Variants in TENM4 observed in about 807,000 individuals in gnomAD.
The protein encoded by TENM4 is teneurin transmembrane protein 4.
Under a neutral mutation model 243.3 loss-of-function variants are expected in TENM4, and 82 were observed. The ratio of observed to expected loss-of-function variants is 0.34; its 90% CI spans 0.28 to 0.40. TENM4 has a LOEUF of 0.40. Ranked by LOEUF, TENM4 falls within the 10% of genes least tolerant of loss-of-function variation. The probability of loss-of-function intolerance (pLI) is 1.00; values close to 1 mark genes in which losing one functional copy is unlikely to be tolerated. For missense variants in TENM4, 3,138 were observed against 3,673.3 expected, an observed-to-expected ratio of 0.85 and a Z score of 3.77; for synonymous variants, 1,412 against 1,456.3, an observed-to-expected ratio of 0.97 and a Z score of 0.69.
rs570822074 is a variant in TENM4 at position 78,884,375 on chromosome 11, A to T, written c.1084+5410T>A. 4.6e-5 allele frequency among the ~76,000 whole-genome samples: 7 copies of T among 152,350 alleles called. No homozygotes were observed. The East Asian group carries it at 1.3e-3, about 29-fold the overall frequency. ...AAACCAAGGTTCAGAGAGGTTAAGC[A>T]AACTGCCCAAGTTTACACCGTCAGC... On this transcript the variant is annotated intron_variant, in intron 9 of 33. Transcript: ENST00000278550.
At chr11:79,152,592 T>A (rs1156985293) in intron 3 of TENM4, among the ~76,000 whole-genome samples, 1 of 152,242 alleles carries the variant, frequency 6.6e-6, no homozygotes, top group Non-Finnish European at 1.5e-5. Flanking sequence ...TATTTTTGGT[T>A]TAAAAGCTCG....
chr11:78,973,532 T>A (rs1288597291), intron 6 of TENM4, among the ~76,000 whole-genome samples: 2 of 152,188 alleles, frequency 1.3e-5, no homozygotes, highest in Admixed American at 6.5e-5. Flanking sequence ...TTTATCTTTT[T>A]ATTACTAAAG....
At chr11:79,005,086 C>T (rs1203909127) in intron 6 of TENM4, among the ~76,000 whole-genome samples, 1 of 151,962 alleles carries the variant, frequency 6.6e-6, no homozygotes, top group African/African-American at 2.4e-5. Flanking sequence ...CCTGAACGTA[C>T]CAATAATGAA....
At chr11:78,762,976 G>A (rs571937991) in intron 18 of TENM4, among the ~76,000 whole-genome samples, 1 of 152,170 alleles carries the variant, frequency 6.6e-6, no homozygotes, top group Non-Finnish European at 1.5e-5. Flanking sequence ...CTGGTTTTTG[G>A]GTGGCTTGGA....
intron 12 of TENM4, among the ~76,000 whole-genome samples, chr11:78,827,619 A>G (rs1857885722): frequency 6.6e-6 from 1 of 152,000 alleles, no homozygotes; most frequent in African/African-American, 2.4e-5. Context: ...CCTTCTGAGC[A>G]GCTGGGAATG....
rs747720678 is a variant in TENM4 at position 78,688,233 on chromosome 11, A to T, written c.5088-7T>A. 2.5e-6 allele frequency: 4 copies of T among 1,612,140 alleles called. No individual in the cohort carries two copies. Among genetic ancestry groups the T allele is most frequent in the Admixed American group, 3.3e-5 (2 of 59,886 alleles). On this transcript the variant is annotated splice_region_variant and splice_polypyrimidine_tract_variant and intron_variant, in intron 28 of 33. Transcript: ENST00000278550. ...GCGGCCAAAGCTGTCGTACCTGGAA[A>T]CCAAGGGGTGGCACTGAGTAGTAGA...
intron 7 of TENM4, among the ~76,000 whole-genome samples, chr11:78,894,302 C>T (rs1855738370): frequency 6.6e-6 from 1 of 152,072 alleles, no homozygotes; most frequent in African/African-American, 2.4e-5. Flanking sequence ...TGGCTTGAGT[C>T]AGAAGGCTCA....
intron 6 of TENM4, among the ~76,000 whole-genome samples, chr11:79,033,551 C>G (rs1859302307): frequency 6.6e-6 from 1 of 152,178 alleles, no homozygotes; most frequent in Non-Finnish European, 1.5e-5. Flanking sequence ...TACATGGTGC[C>G]AAAGCACAAG....
intron 1 of TENM4, among the ~76,000 whole-genome samples, chr11:79,425,821 C>A (rs1451161458): frequency 6.6e-6 from 1 of 152,162 alleles, no homozygotes; most frequent in Non-Finnish European, 1.5e-5. Flanking sequence ...AATTTAATTC[C>A]ATGATTATTG....
rs567819628 is a variant in TENM4, at chr11:79,437,792, C to T, written c.-321+2717G>A. 2.0e-5 allele frequency among the ~76,000 whole-genome samples: 3 copies of T among 152,312 alleles called. No individual in the cohort carries two copies. The South Asian group carries it at 6.2e-4, about 32-fold the overall frequency. On this transcript the variant is annotated intron_variant, in intron 1 of 33. Transcript: ENST00000278550. The stretch of plus-strand genomic sequence containing the variant: ...GCCGCGACCTGATTCCCGCCCTGCC[C>T]GGGGAGCTAACCCAGCCGCCTCCGG...
At chr11:79,397,636 A>C (rs151189545) in intron 1 of TENM4, among the ~76,000 whole-genome samples, 324 of 152,360 alleles carry the variant, frequency 2.1e-3, no homozygotes, top group African/African-American at 7.6e-3. Flanking sequence ...TAAGTAGAGA[A>C]TGCAAAGGGT....
intron 6 of TENM4, among the ~76,000 whole-genome samples, chr11:79,026,447 A>G (rs768890472): frequency 7.2e-5 from 11 of 152,182 alleles, no homozygotes; most frequent in Non-Finnish European, 1.0e-4. Flanking sequence ...CCATGGACAC[A>G]GTGCATAGGA....
At chr11:78,663,140 C>T (rs968109420) in intron 32 of TENM4, among the ~76,000 whole-genome samples, 1 of 152,156 alleles carries the variant, frequency 6.6e-6, no homozygotes, top group Admixed American at 6.5e-5. Context: ...AGACAGACAG[C>T]CTGTGTCCCA....
intron 4 of TENM4, among the ~76,000 whole-genome samples, chr11:79,130,495 G>C (rs749580210): frequency 4.0e-5 from 6 of 151,140 alleles, no homozygotes; most frequent in Non-Finnish European, 8.9e-5. Flanking sequence ...AATACAAGAA[G>C]TGAAGGGAGA....
intron 1 of TENM4, among the ~76,000 whole-genome samples, chr11:79,365,024 G>T (rs538366436): frequency 6.6e-6 from 1 of 152,312 alleles, no homozygotes; most frequent in Non-Finnish European, 1.5e-5. Context: ...GTATTTACCT[G>T]ATAATCCACA....
chr11:78,756,667 C>T, intron 19 of TENM4, 138 bp downstream of exon 19: 1 of 814,378 alleles, frequency 1.2e-6, no homozygotes, highest in Non-Finnish European at 1.9e-6. Context: ...TTCTCTGCCT[C>T]CCCCGACATT....
intron 4 of TENM4, among the ~76,000 whole-genome samples, chr11:79,084,784 C>T (rs897353519): frequency 6.6e-6 from 1 of 151,984 alleles, no homozygotes; most frequent in African/African-American, 2.4e-5. Context: ...TGGAAATGTT[C>T]GTTGTCTTGA....
intron 6 of TENM4, chr11:79,021,644 A>C (rs1858931698): frequency 6.6e-6 from 1 of 152,400 alleles, no homozygotes; most frequent in Non-Finnish European, 1.5e-5. Context: ...CTTCAGGAGA[A>C]GAAAGTAGAC....
At chr11:79,215,634 C>T (rs1409548247) in intron 3 of TENM4, among the ~76,000 whole-genome samples, 174 bp downstream of exon 3, 2 of 152,168 alleles carry the variant, frequency 1.3e-5, no homozygotes, top group Non-Finnish European at 2.9e-5. Flanking sequence ...TGCATCTGTT[C>T]CCGGAGAAGG....
Sources: allele counts gnomAD v4.1 joint callset (sites outside exome capture counted in the v4.1 genomes callset), GRCh38; gene constraint gnomAD v4.1.1; transcripts MANE v1.5; gene names NCBI Gene and HGNC (gene_info 2026-07-23, HGNC 2026-07-21).